ARHGAP6: variants seen among roughly 807,000 people sequenced by gnomAD.
ARHGAP6 encodes the protein Rho GTPase activating protein 6, also known as rho GTPase-activating protein 6.
A neutral mutation model predicts 55.7 loss-of-function variants in ARHGAP6; 16 were observed. The ratio of observed to expected loss-of-function variants is 0.29; its 90% CI spans 0.19 to 0.44. ARHGAP6 has a LOEUF of 0.44. Among genes scored for constraint, ARHGAP6 ranks in the 20% least tolerant of loss-of-function variants. The probability of loss-of-function intolerance (pLI) is 1.00; values close to 1 mark genes in which losing one functional copy is unlikely to be tolerated. For synonymous variants in ARHGAP6, 382 were observed against 360.9 expected (o/e 1.06, Z -0.66); for missense variants, 698 against 808.9 (o/e 0.86, Z 1.66).
At chrX:11,633,912 T>C (rs1272365799) in intron 1 of ARHGAP6, among the ~76,000 whole-genome samples, 1 of 111,450 alleles carries the variant, frequency 9.0e-6, no homozygotes, top group Non-Finnish European at 1.9e-5. Flanking sequence ...CTATTTTCTG[T>C]AAAACAGCAT....
At chrX:11,296,683 A>G in intron 1 of ARHGAP6, 1 of 977,379 alleles carries the variant, frequency 1.0e-6, no homozygotes, top group Non-Finnish European at 1.4e-6. Context: ...TAATGTGAAC[A>G]ATTGCATACT....
intron 2 of ARHGAP6, among the ~76,000 whole-genome samples, chrX:11,252,140 G>T (rs769005409): frequency 1.3e-4 from 15 of 111,699 alleles, no homozygotes; most frequent in African/African-American, 4.6e-4. Flanking sequence ...ATTGTTTTTG[G>T]TAAAGGTTAT....
At chrX:11,266,072 TGAGAGAGAGAGAGAGAGAGAGAGGGTGA>T (rs1279545619) in intron 1 of ARHGAP6, 1 of 116,771 alleles carries the variant, frequency 8.6e-6, no homozygotes, top group Non-Finnish European at 1.2e-5. Flanking sequence ...TGTGTGTGTG[TGAGAGAGAGAGAGAGAGAGAGAGGGTGA>T]GAGAGAGAGA....
chrX:11,516,897 G>A (rs2147872368), intron 1 of ARHGAP6, among the ~76,000 whole-genome samples: 1 of 111,342 alleles, frequency 9.0e-6, no homozygotes, highest in East Asian at 2.8e-4. Context: ...GTAAATGTAG[G>A]CATTCTCAGG....
intron 1 of ARHGAP6, among the ~76,000 whole-genome samples, chrX:11,584,681 C>A (rs1468052915): frequency 8.9e-6 from 1 of 111,746 alleles, no homozygotes; most frequent in Non-Finnish European, 1.9e-5. Context: ...ATATAAACAA[C>A]CTCATTTACT....
intron 1 of ARHGAP6, among the ~76,000 whole-genome samples, chrX:11,291,403 G>A (rs1365941388): frequency 1.8e-5 from 2 of 111,213 alleles, no homozygotes; most frequent in African/African-American, 6.5e-5. Context: ...GATCATTATG[G>A]CCAAATATAT....
intron 1 of ARHGAP6, chrX:11,290,490 C>CAA (rs746332445): frequency 3.7e-3 from 657 of 177,442 alleles, no homozygotes; most frequent in Non-Finnish European, 4.4e-3. Flanking sequence ...TCTACCCCAG[C>CAA]AAAAAAAAAA....
At chrX:11,237,733 C>G (rs192462285) in intron 2 of ARHGAP6, among the ~76,000 whole-genome samples, 135 of 111,996 alleles carry the variant, frequency 1.2e-3, no homozygotes, top group African/African-American at 4.3e-3. Flanking sequence ...GAAAGCAAAC[C>G]AATGAAATTC....
At chrX:11,229,877 A>G (rs779898888) in intron 2 of ARHGAP6, among the ~76,000 whole-genome samples, 1 of 111,966 alleles carries the variant, frequency 8.9e-6, no homozygotes, top group Non-Finnish European at 1.9e-5. Context: ...GTTCATTCAG[A>G]TTCTGTTTTT....
At chrX:11,309,436 C>T (rs972850607) in intron 1 of ARHGAP6, among the ~76,000 whole-genome samples, 1 of 110,619 alleles carries the variant, frequency 9.0e-6, no homozygotes, top group Non-Finnish European at 1.9e-5. Flanking sequence ...TAGAGGATCT[C>T]GGAGGGAGAG....
chrX:11,144,291 A>T (rs770685998), intron 10 of ARHGAP6, 43 bp from the exon 11 acceptor site: 14 of 1,204,023 alleles, frequency 1.2e-5, no homozygotes, highest in Non-Finnish European at 1.6e-5. Context: ...TTTGTTAACA[A>T]GTAGTGACCA....
intron 1 of ARHGAP6, among the ~76,000 whole-genome samples, chrX:11,595,110 A>G (rs186819736): frequency 9.0e-6 from 1 of 110,870 alleles, no homozygotes. Flanking sequence ...CCAACATGGT[A>G]AAACCCCATC....
At chrX:11,200,927 G>A (rs2046610537) in intron 2 of ARHGAP6, among the ~76,000 whole-genome samples, 1 of 112,482 alleles carries the variant, frequency 8.9e-6, no homozygotes, top group Non-Finnish European at 1.9e-5. Context: ...AGAAGGAAGA[G>A]TAAGGGTTAC....
intron 1 of ARHGAP6, among the ~76,000 whole-genome samples, chrX:11,564,612 C>A (rs183494158): frequency 9.0e-6 from 1 of 111,452 alleles, no homozygotes; most frequent in East Asian, 2.8e-4. Flanking sequence ...TATTTCACAT[C>A]ATGATGAAAA....
intron 1 of ARHGAP6, among the ~76,000 whole-genome samples, chrX:11,594,301 G>T (rs1297727266): frequency 1.8e-5 from 2 of 111,082 alleles, no homozygotes; most frequent in Non-Finnish European, 3.8e-5. Context: ...GACCCTACAG[G>T]TCTCAGTTCA....
chrX:11,178,390 C>T, intron 7 of ARHGAP6, 142 bp from the exon 8 acceptor site: 1 of 716,155 alleles, frequency 1.4e-6, no homozygotes. Context: ...TTGCCCATTG[C>T]TTTAGCAATT....
chrX:11,581,258 A>G (rs1023792781), intron 1 of ARHGAP6, among the ~76,000 whole-genome samples: 32 of 112,064 alleles, frequency 2.9e-4, no homozygotes, highest in African/African-American at 1.0e-3. Flanking sequence ...TAGGATGGCT[A>G]TAAACAAAAA....
At chrX:11,484,548 A>G in intron 1 of ARHGAP6, among the ~76,000 whole-genome samples, 1 of 105,095 alleles carries the variant, frequency 9.5e-6, no homozygotes. Context: ...GGAAGAAGAG[A>G]AGGAAAAAGA....
At chrX:11,316,373 C>T (rs1183298992) in intron 1 of ARHGAP6, among the ~76,000 whole-genome samples, 2 of 111,900 alleles carry the variant, frequency 1.8e-5, no homozygotes, top group East Asian at 5.6e-4. Flanking sequence ...TCCCCAAATC[C>T]CACAGAAAGG....
Sources: allele counts gnomAD v4.1 joint callset (sites outside exome capture counted in the v4.1 genomes callset), GRCh38; gene constraint gnomAD v4.1.1; transcripts MANE v1.5; gene names NCBI Gene and HGNC (gene_info 2026-07-23, HGNC 2026-07-21).